PTPRD: variants seen among roughly 807,000 people sequenced by gnomAD.
PTPRD encodes the protein receptor-type tyrosine-protein phosphatase delta.
In PTPRD, 34 loss-of-function variants were observed where a neutral mutation model predicts 214.5. The ratio of observed to expected loss-of-function variants is 0.16; its 90% CI spans 0.12 to 0.21. PTPRD has a LOEUF of 0.21. Ranked by LOEUF, PTPRD falls within the 10% of genes least tolerant of loss-of-function variation. PTPRD has a pLI of 1.00. For missense variants in PTPRD, 2,545 were observed against 2,398.7 expected, an observed-to-expected ratio of 1.06 and a Z score of -1.27; for synonymous variants, 1,128 against 845.7, an observed-to-expected ratio of 1.33 and a Z score of -5.79.
intron 3 of PTPRD, among the ~76,000 whole-genome samples, chr9:10,299,124 T>C (rs549652138): frequency 5.9e-5 from 9 of 152,324 alleles, no homozygotes; most frequent in African/African-American, 2.2e-4. Context: ...ATTTTACATT[T>C]GTAAATGTAA....
intron 14 of PTPRD, among the ~76,000 whole-genome samples, chr9:8,539,932 G>A (rs1163508590): frequency 6.6e-6 from 1 of 152,074 alleles, no homozygotes; most frequent in Non-Finnish European, 1.5e-5. Flanking sequence ...AGTGAATGCG[G>A]ATCTAAGAAT....
chr9:9,376,686 A>G (rs1284520630), intron 9 of PTPRD, among the ~76,000 whole-genome samples: 1 of 152,114 alleles, frequency 6.6e-6, no homozygotes, highest in Non-Finnish European at 1.5e-5. Context: ...ACATTAATAG[A>G]GTCATGTTCA....
At chr9:10,315,277 C>T (rs1208823524) in intron 3 of PTPRD, among the ~76,000 whole-genome samples, 2 of 151,674 alleles carry the variant, frequency 1.3e-5, no homozygotes, top group African/African-American at 2.4e-5. Context: ...ATTTGGGAAG[C>T]CAGCTGTAAG....
At chr9:9,017,780 C>A (rs982203141) in intron 11 of PTPRD, among the ~76,000 whole-genome samples, 1 of 152,052 alleles carries the variant, frequency 6.6e-6, no homozygotes, top group African/African-American at 2.4e-5. Context: ...TATTTATAAA[C>A]CATTCAAGTT....
At chr9:9,023,932 C>T (rs192897448) in intron 10 of PTPRD, among the ~76,000 whole-genome samples, 136 of 151,874 alleles carry the variant, frequency 9.0e-4, no homozygotes, top group African/African-American at 3.0e-3. Flanking sequence ...ATCTCATCTT[C>T]GGTTAAGATT....
intron 2 of PTPRD, among the ~76,000 whole-genome samples, chr9:10,518,662 A>G (rs921124474): frequency 7.2e-5 from 11 of 151,772 alleles, no homozygotes; most frequent in African/African-American, 2.7e-4. Flanking sequence ...CCTCCCAAGT[A>G]GCTGGGACTA....
At chr9:10,017,356 G>A (rs937158926) in intron 4 of PTPRD, among the ~76,000 whole-genome samples, 3 of 151,654 alleles carry the variant, frequency 2.0e-5, no homozygotes, top group South Asian at 4.2e-4. Flanking sequence ...TATATGTGTT[G>A]CATATATTTA....
At chr9:9,512,909 C>T (rs1000298325) in intron 8 of PTPRD, among the ~76,000 whole-genome samples, 1 of 150,938 alleles carries the variant, frequency 6.6e-6, no homozygotes, top group African/African-American at 2.4e-5. Flanking sequence ...GTAATCATTA[C>T]TAATGAGAAA....
intron 9 of PTPRD, among the ~76,000 whole-genome samples, chr9:9,209,783 T>C (rs959782507): frequency 6.6e-6 from 1 of 152,174 alleles, no homozygotes; most frequent in Non-Finnish European, 1.5e-5. Context: ...ATATATATCC[T>C]GTCTCAGATT....
At chr9:9,646,168 G>C (rs951669737) in intron 7 of PTPRD, among the ~76,000 whole-genome samples, 4 of 152,084 alleles carry the variant, frequency 2.6e-5, no homozygotes, top group African/African-American at 9.7e-5. Flanking sequence ...TTAGAAGTTT[G>C]TTTTTTGAGG....
rs564142325 is a variant in PTPRD at position 9,157,989 on chromosome 9, C to T, written c.-143+25315G>A. On this transcript the variant is annotated intron_variant, in intron 10 of 45. Transcript: ENST00000381196. Reference sequence around the variant, plus strand: ...TGTAGTGTTCGGTTTTCTGTTCCTGCGTGTTTGCTAAGAATAATGGCTTCC... The same window carrying T: ...TGTAGTGTTCGGTTTTCTGTTCCTGTGTGTTTGCTAAGAATAATGGCTTCC... Among the ~76,000 whole-genome samples the T allele has an allele frequency of 7.9e-5, 12 of 152,198 alleles. No homozygotes were observed. The East Asian group carries it at 1.7e-3, about 22-fold the overall frequency.
intron 3 of PTPRD, among the ~76,000 whole-genome samples, chr9:10,051,609 C>G (rs145477075): frequency 6.6e-6 from 1 of 151,640 alleles, no homozygotes; most frequent in Non-Finnish European, 1.5e-5. Flanking sequence ...ACTCCCCCCA[C>G]CCCACAACAG....
intron 11 of PTPRD, chr9:8,860,685 C>G (rs964030736): frequency 2.0e-5 from 3 of 152,190 alleles, no homozygotes; most frequent in Admixed American, 6.5e-5. Context: ...GCTGCAGCAT[C>G]TAGTAAACTT....
intron 14 of PTPRD, among the ~76,000 whole-genome samples, chr9:8,575,540 A>G (rs180690103): frequency 6.1e-4 from 93 of 152,254 alleles, no homozygotes; most frequent in East Asian, 6.0e-3. Flanking sequence ...CCCTCACCCT[A>G]TGGATTTTAC....
At chr9:8,695,624 G>C (rs924337932) in intron 12 of PTPRD, among the ~76,000 whole-genome samples, 1 of 152,074 alleles carries the variant, frequency 6.6e-6, no homozygotes, top group Non-Finnish European at 1.5e-5. Context: ...TTGAGTAAGT[G>C]ATAAACATTT....
chr9:8,735,943 T>TA (rs1202824484), intron 11 of PTPRD, among the ~76,000 whole-genome samples: 18 of 149,246 alleles, frequency 1.2e-4, no homozygotes, highest in South Asian at 2.1e-4. Flanking sequence ...ATTCAGACTT[T>TA]AAAAAAAAAT....
intron 33 of PTPRD, among the ~76,000 whole-genome samples, chr9:8,458,335 C>G (rs2096275027): frequency 6.6e-6 from 1 of 152,076 alleles, no homozygotes; most frequent in African/African-American, 2.4e-5. Flanking sequence ...ATTTACATGA[C>G]TGATTCACAA....
intron 10 of PTPRD, among the ~76,000 whole-genome samples, chr9:9,157,760 C>A (rs1438565238): frequency 6.6e-6 from 1 of 152,014 alleles, no homozygotes; most frequent in Admixed American, 6.6e-5. Flanking sequence ...CCAGGATGTG[C>A]AGGTTTGTTA....
chr9:9,547,168 T>C (rs1310298836), intron 8 of PTPRD, among the ~76,000 whole-genome samples: 1 of 152,154 alleles, frequency 6.6e-6, no homozygotes, highest in Non-Finnish European at 1.5e-5. Context: ...CCTGTCTAAA[T>C]TGGACTGATG....
Sources: gnomAD v4.1 joint callset for allele counts (sites outside exome capture counted in the v4.1 genomes callset) on GRCh38, gnomAD v4.1.1 for gene constraint, MANE v1.5 for transcripts, NCBI Gene and HGNC (gene_info 2026-07-23, HGNC 2026-07-21) for gene names.